DAB1: variants seen among roughly 807,000 people sequenced by gnomAD.
DAB1 encodes disabled homolog 1.
Under a neutral mutation model 64.6 loss-of-function variants are expected in DAB1, and 15 were observed. That is an observed-to-expected ratio of 0.23 (90% CI 0.16 to 0.36). The LOEUF (loss-of-function observed/expected upper bound fraction) is 0.36. Among genes scored for constraint, DAB1 ranks in the 10% least tolerant of loss-of-function variants. The probability of loss-of-function intolerance (pLI) is 1.00; values close to 1 mark genes in which losing one functional copy is unlikely to be tolerated. For missense variants in DAB1, 596 were observed against 706.7 expected (o/e 0.84, Z 1.78); for synonymous variants, 235 against 251.9 (o/e 0.93, Z 0.64).
intron 1 of DAB1, among the ~76,000 whole-genome samples, chr1:57,856,525 G>A (rs1363542502): frequency 1.3e-5 from 2 of 152,186 alleles, no homozygotes; most frequent in African/African-American, 4.8e-5. Flanking sequence ...CACTTTGGGA[G>A]GCCGAGGCGA....
chr1:58,322,908 C>A (rs2100486719), intron 4 of DAB1, among the ~76,000 whole-genome samples: 1 of 152,136 alleles, frequency 6.6e-6, no homozygotes, highest in East Asian at 1.9e-4. Flanking sequence ...TACTATGCAG[C>A]CATAAAAAAG....
chr1:57,106,195 G>C (rs150180363), intron 4 of DAB1, among the ~76,000 whole-genome samples: 7 of 152,008 alleles, frequency 4.6e-5, no homozygotes, highest in Admixed American at 1.3e-4. Flanking sequence ...ATGGCACATA[G>C]AGCTCCTGCT....
At chr1:57,211,328 C>T (rs755137427) in intron 2 of DAB1, among the ~76,000 whole-genome samples, 1 of 152,106 alleles carries the variant, frequency 6.6e-6, no homozygotes, top group Non-Finnish European at 1.5e-5. Flanking sequence ...GGGATATGGC[C>T]ACACAGAGGC....
chr1:58,412,041 T>C (rs552545687), intron 3 of DAB1, among the ~76,000 whole-genome samples: 3 of 152,288 alleles, frequency 2.0e-5, no homozygotes, highest in East Asian at 3.9e-4. Context: ...GAATAACCCA[T>C]TCTCTGACCA....
At chr1:58,268,504 A>G (rs1661229647) in intron 4 of DAB1, among the ~76,000 whole-genome samples, 1 of 152,182 alleles carries the variant, frequency 6.6e-6, no homozygotes, top group Non-Finnish European at 1.5e-5. Flanking sequence ...ATAAAAGTAG[A>G]GCTTTTCCTG....
At chr1:57,154,819 C>A (rs1472976982) in intron 2 of DAB1, among the ~76,000 whole-genome samples, 1 of 152,104 alleles carries the variant, frequency 6.6e-6, no homozygotes. Flanking sequence ...TTTTCATATG[C>A]CTGTTTGCCA....
intron 1 of DAB1, among the ~76,000 whole-genome samples, chr1:57,878,001 T>C (rs986370211): frequency 5.3e-5 from 8 of 152,358 alleles, no homozygotes; most frequent in African/African-American, 1.9e-4. Context: ...CTTAACGCAC[T>C]GTCTTTAGTC....
At chr1:57,391,013 C>G (rs779101922) in intron 1 of DAB1, among the ~76,000 whole-genome samples, 1 of 152,150 alleles carries the variant, frequency 6.6e-6, no homozygotes, top group Non-Finnish European at 1.5e-5. Context: ...TCCCAGTGGC[C>G]ATGCTTTTTC....
chr1:58,182,977 T>C (rs1570457223), intron 4 of DAB1, among the ~76,000 whole-genome samples: 1 of 152,040 alleles, frequency 6.6e-6, no homozygotes, highest in Admixed American at 6.6e-5. Context: ...ATTTTTATTG[T>C]TGTTGTTTTG....
At chr1:57,937,921 C>T (rs1557565887) in intron 5 of DAB1, among the ~76,000 whole-genome samples, 1 of 152,190 alleles carries the variant, frequency 6.6e-6, no homozygotes, top group Non-Finnish European at 1.5e-5. Context: ...GCCTCTTGGC[C>T]AGCTTGTTCA....
At chr1:58,479,026 T>TA (rs962339069) in intron 3 of DAB1, among the ~76,000 whole-genome samples, 11 of 152,098 alleles carry the variant, frequency 7.2e-5, no homozygotes, top group African/African-American at 2.4e-4. Context: ...TTCCACTGGT[T>TA]AAAAAAAATC....
chr1:58,249,701 G>C (rs1660711156), intron 4 of DAB1, among the ~76,000 whole-genome samples: 1 of 152,064 alleles, frequency 6.6e-6, no homozygotes, highest in Admixed American at 6.5e-5. Context: ...CGCGGATGAA[G>C]TTGTTTCCCC....
chr1:57,208,476 C>T (rs550492084), intron 2 of DAB1, among the ~76,000 whole-genome samples: 2 of 152,208 alleles, frequency 1.3e-5, no homozygotes, highest in Admixed American at 6.5e-5. Context: ...TTAGGAACAA[C>T]AGCCTTTCAG....
At chr1:57,123,421 A>C (rs1417609443) in intron 4 of DAB1, among the ~76,000 whole-genome samples, 1 of 152,214 alleles carries the variant, frequency 6.6e-6, no homozygotes, top group Non-Finnish European at 1.5e-5. Flanking sequence ...AGAGGCATTC[A>C]AACTAAAGTT....
intron 7 of DAB1, among the ~76,000 whole-genome samples, chr1:57,627,134 C>T (rs1645931778): frequency 6.6e-6 from 1 of 152,110 alleles, no homozygotes; most frequent in Non-Finnish European, 1.5e-5. Context: ...GAAATTCACC[C>T]CTTTCTGCCC....
intron 3 of DAB1, among the ~76,000 whole-genome samples, chr1:58,491,446 T>C (rs191662157): frequency 0.017 from 2,532 of 152,180 alleles, 55 homozygotes; most frequent in East Asian, 0.12. Flanking sequence ...GGCTAAATGT[T>C]CCAATCAAAA....
At chr1:57,377,438 T>C (rs890664213) in intron 1 of DAB1, among the ~76,000 whole-genome samples, 3 of 152,092 alleles carry the variant, frequency 2.0e-5, no homozygotes, top group African/African-American at 7.2e-5. Context: ...ATCGAAATCT[T>C]TGGGGAGAGG....
chr1:58,360,922 G>A (rs1429711880), intron 3 of DAB1, among the ~76,000 whole-genome samples: 2 of 152,078 alleles, frequency 1.3e-5, no homozygotes, highest in Non-Finnish European at 2.9e-5. Context: ...TAAATAAATT[G>A]CTTTGTAATC....
At chr1:57,553,426 GAA>G (rs1355682742) in intron 7 of DAB1, among the ~76,000 whole-genome samples, 324 of 18,222 alleles carry the variant, frequency 0.018, 28 homozygotes, top group African/African-American at 0.027. Context: ...AAGAAAGAAA[GAA>G]AGAAAGAAAG....
Sources: allele counts gnomAD v4.1 joint callset (sites outside exome capture counted in the v4.1 genomes callset), GRCh38; gene constraint gnomAD v4.1.1; transcripts MANE v1.5; gene names NCBI Gene and HGNC (gene_info 2026-07-23, HGNC 2026-07-21).